Variants in TBC1D19 observed in about 807,000 individuals in gnomAD.
The protein encoded by TBC1D19 is TBC1 domain family, member 19.
In TBC1D19, 60 loss-of-function variants were observed where a neutral mutation model predicts 89.0. That is an observed-to-expected ratio of 0.67 (90% CI 0.55 to 0.84). TBC1D19 has a LOEUF of 0.84. TBC1D19 is among the 40% of genes least tolerant of loss of function. The probability of loss-of-function intolerance (pLI) is 0.00; values close to 1 mark genes in which losing one functional copy is unlikely to be tolerated. For synonymous variants in TBC1D19, 189 were observed against 199.7 expected (o/e 0.95, Z 0.45); for missense variants, 500 against 610.8 (o/e 0.82, Z 1.91).
At chr4:26,649,981 C>A (rs1375679422) in intron 7 of TBC1D19, among the ~76,000 whole-genome samples, 2 of 151,834 alleles carry the variant, frequency 1.3e-5, no homozygotes, top group Admixed American at 6.6e-5. Context: ...TTTGTCCTTG[C>A]GATAGTTTGC....
chr4:26,665,317 CTT>C (rs1292294787), intron 8 of TBC1D19, among the ~76,000 whole-genome samples: 2 of 151,990 alleles, frequency 1.3e-5, no homozygotes, highest in African/African-American at 4.8e-5. Flanking sequence ...AAATCACTAA[CTT>C]AAGTAATAAT....
chr4:26,622,422 TAGAG>T (rs1002176116), intron 4 of TBC1D19, among the ~76,000 whole-genome samples: 2 of 151,488 alleles, frequency 1.3e-5, no homozygotes, highest in African/African-American at 2.4e-5. Flanking sequence ...AAAGAAGAGA[TAGAG>T]AGGTAAATAA....
At chr4:26,642,693 T>C (rs1434537045) in intron 7 of TBC1D19, among the ~76,000 whole-genome samples, 1 of 152,120 alleles carries the variant, frequency 6.6e-6, no homozygotes, top group Non-Finnish European at 1.5e-5. Flanking sequence ...TCATCTCACA[T>C]GCAGAGACAA....
rs745327934 is a variant in TBC1D19, at chr4:26,666,392, A to G, written c.651A>G (p.Thr217=). The change falls in exon 9 of 21, where the codon ACA becomes ACG. Residue 217 remains threonine (T), a synonymous_variant. Coordinates refer to ENST00000264866, the MANE Select transcript of TBC1D19 (RefSeq NM_018317.4). ...NIGQLGIDDS[T]QVPPELFENE... ...GACAACTGGGTATAGATGATTCTAC[A>G]CAAGTGCCTCCTGGTTAGTATTTTT... 3.7e-6 allele frequency: 6 copies of G among 1,609,748 alleles called. No homozygotes were observed. The highest frequency in any genetic ancestry group is 5.1e-6 in the Non-Finnish European group (6 of 1,177,490).
intron 15 of TBC1D19, among the ~76,000 whole-genome samples, chr4:26,721,190 C>G (rs1288150258): frequency 6.6e-6 from 1 of 151,886 alleles, no homozygotes. Flanking sequence ...CAGTTCGTAC[C>G]TCTCCCATAA....
intron 18 of TBC1D19, among the ~76,000 whole-genome samples, chr4:26,743,384 G>A (rs528144659): frequency 6.6e-6 from 1 of 152,194 alleles, no homozygotes; most frequent in Admixed American, 6.5e-5. Flanking sequence ...AGCTCAGTGG[G>A]TGGAAATTTA....
At chr4:26,691,919 A>G (rs1577939983) in intron 13 of TBC1D19, among the ~76,000 whole-genome samples, 1 of 152,238 alleles carries the variant, frequency 6.6e-6, no homozygotes, top group African/African-American at 2.4e-5. Flanking sequence ...CCACAGAACC[A>G]TCCTCAGCAG....
chr4:26,768,985 G>A, the TBC1D19 span, among the ~76,000 whole-genome samples: 1 of 151,782 alleles, frequency 6.6e-6, no homozygotes, highest in Non-Finnish European at 1.5e-5. Context: ...GAAGAAACAT[G>A]AAGAAAGTTA....
the TBC1D19 span, among the ~76,000 whole-genome samples, chr4:26,828,573 T>A: frequency 6.6e-6 from 1 of 152,240 alleles, no homozygotes; most frequent in African/African-American, 2.4e-5. Context: ...TCTATGCACG[T>A]CCAAGTATAG....
intron 13 of TBC1D19, among the ~76,000 whole-genome samples, chr4:26,695,513 A>T (rs1165339213): frequency 6.6e-6 from 1 of 152,190 alleles, no homozygotes; most frequent in East Asian, 1.9e-4. Context: ...AGAGAATGCC[A>T]CAAAGATACA....
At chr4:26,834,781 T>G in the TBC1D19 span, among the ~76,000 whole-genome samples, 1 of 152,180 alleles carries the variant, frequency 6.6e-6, no homozygotes, top group South Asian at 2.1e-4. Flanking sequence ...TCTTAACTAT[T>G]TTGCCAGGGA....
chr4:26,684,611 C>G (rs748054271), intron 12 of TBC1D19, among the ~76,000 whole-genome samples: 2 of 152,052 alleles, frequency 1.3e-5, no homozygotes, highest in Non-Finnish European at 2.9e-5. Context: ...GTAGCTAACA[C>G]TTTATGTGTA....
chr4:26,759,214 T>C (rs1030841243), downstream of TBC1D19, among the ~76,000 whole-genome samples: 19 of 152,306 alleles, frequency 1.2e-4, no homozygotes, highest in Admixed American at 1.1e-3. Flanking sequence ...GAGGACAAAA[T>C]TGGATTCCTT....
At chr4:26,851,323 A>G in the TBC1D19 span, among the ~76,000 whole-genome samples, 89 of 141,378 alleles carry the variant, frequency 6.3e-4, no homozygotes, top group African/African-American at 2.6e-3. Flanking sequence ...CTATCTATCT[A>G]TCTATCTATC....
In TBC1D19 at chr4:26,681,854, T is replaced by A. The variant is rs117440307; in HGVS notation, c.817-1821T>A. Reference sequence around the variant, plus strand: ...AAGCTGAATAATGACTATGATATGATTCCATTTCATATTGAAAAACAACAA... The same window carrying A: ...AAGCTGAATAATGACTATGATATGAATCCATTTCATATTGAAAAACAACAA... On this transcript the variant is annotated intron_variant, in intron 11 of 20. Transcript: ENST00000264866. Among the ~76,000 whole-genome samples the A allele has an allele frequency of 1.8e-4, 27 of 152,312 alleles. No homozygotes were observed. In the East Asian group the frequency reaches 5.2e-3, roughly 29 times the overall value.
chr4:26,748,400 C>T lies in TBC1D19; in HGVS notation c.1320-11C>T. Reference sequence around the variant, plus strand: ...AGTGGTACATTAATTTTTATTTTTCCTTGCTTATAGACTTCGCATATCATT... The same window carrying T: ...AGTGGTACATTAATTTTTATTTTTCTTTGCTTATAGACTTCGCATATCATT... On this transcript the variant is annotated splice_polypyrimidine_tract_variant and intron_variant, in intron 18 of 20. Transcript: ENST00000264866. The T allele has an allele frequency of 6.3e-7, 1 of 1,593,860 alleles. No individual in the cohort carries two copies. The highest frequency in any genetic ancestry group is 8.6e-7 in the Non-Finnish European group (1 of 1,168,352).
At chr4:26,609,516 A>C (rs1214241352) in intron 1 of TBC1D19, among the ~76,000 whole-genome samples, 1 of 152,172 alleles carries the variant, frequency 6.6e-6, no homozygotes, top group Non-Finnish European at 1.5e-5. Flanking sequence ...ATCTGAGGAA[A>C]TATGAACAGC....
At chr4:26,720,048 C>T (rs769212271) in intron 14 of TBC1D19, 33 bp from the exon 15 acceptor site, 13 of 1,529,130 alleles carry the variant, frequency 8.5e-6, no homozygotes, top group Non-Finnish European at 1.1e-5. Context: ...TTTACTTAAT[C>T]ATATTGAAAT....
In TBC1D19 at chr4:26,710,420, C is replaced by G. The variant is rs1216780174; in HGVS notation, c.955-7513C>G. Among the ~76,000 whole-genome samples, 4 of 152,164 alleles carry G rather than the reference C, an allele frequency of 2.6e-5. No homozygotes were observed. In the East Asian group the frequency reaches 7.7e-4, roughly 29 times the overall value. On this transcript the variant is annotated intron_variant, in intron 13 of 20. Coordinates refer to ENST00000264866, the MANE Select transcript of TBC1D19 (RefSeq NM_018317.4). ...TGTGTATGTGCCACATTTTCTTAAT[C>G]CGGTCTATCATTGTTGGACATTTGG...
Sources: allele counts gnomAD v4.1 joint callset (sites outside exome capture counted in the v4.1 genomes callset), GRCh38; gene constraint gnomAD v4.1.1; transcripts MANE v1.5; gene names NCBI Gene and HGNC (gene_info 2026-07-23, HGNC 2026-07-21).